GSK3B: variants seen among roughly 807,000 people sequenced by gnomAD.
GSK3B encodes the protein glycogen synthase kinase-3 beta.
In GSK3B, 15 loss-of-function variants were observed where a neutral mutation model predicts 56.4. The observed-to-expected ratio is 0.27, with a 90% confidence interval of 0.18 to 0.41. GSK3B has a LOEUF of 0.41. Among genes scored for constraint, GSK3B ranks in the 10% least tolerant of loss-of-function variants. The probability of loss-of-function intolerance (pLI) is 1.00; values close to 1 mark genes in which losing one functional copy is unlikely to be tolerated. For synonymous variants in GSK3B, 181 were observed against 188.9 expected (o/e 0.96, Z 0.34); for missense variants, 300 against 513.4 (o/e 0.58, Z 4.02).
chr3:119,961,461 C>G (rs976994309), intron 2 of GSK3B, among the ~76,000 whole-genome samples: 10 of 151,932 alleles, frequency 6.6e-5, no homozygotes, highest in African/African-American at 2.2e-4. Flanking sequence ...AACTCCGTCT[C>G]TACTAAAAAT....
intron 1 of GSK3B, among the ~76,000 whole-genome samples, chr3:120,080,418 C>T (rs2058409539): frequency 6.6e-6 from 1 of 152,016 alleles, no homozygotes; most frequent in African/African-American, 2.4e-5. Flanking sequence ...TATTATTTAG[C>T]AATAGAAACC....
intron 1 of GSK3B, among the ~76,000 whole-genome samples, chr3:120,040,604 CCAA>C (rs1400733893): frequency 1.3e-5 from 2 of 151,830 alleles, no homozygotes; most frequent in East Asian, 3.9e-4. Flanking sequence ...TAACTAGGAC[CCAA>C]CATGGGAAAT....
chr3:120,082,758 A>G (rs895902797), intron 1 of GSK3B, among the ~76,000 whole-genome samples: 1 of 152,086 alleles, frequency 6.6e-6, no homozygotes, highest in Non-Finnish European at 1.5e-5. Context: ...CTACCCAAAA[A>G]AAGAATGTAA....
intron 9 of GSK3B, among the ~76,000 whole-genome samples, chr3:119,859,643 T>G (rs911254062): frequency 5.3e-5 from 8 of 152,154 alleles, no homozygotes; most frequent in Admixed American, 5.2e-4. Context: ...TTCTAACCCT[T>G]TCCTTATTTT....
At chr3:120,066,550 G>C (rs2058279984) in intron 1 of GSK3B, among the ~76,000 whole-genome samples, 1 of 152,100 alleles carries the variant, frequency 6.6e-6, no homozygotes, top group Non-Finnish European at 1.5e-5. Flanking sequence ...AAAGAATCAA[G>C]ACTTACCCTG....
intron 9 of GSK3B, among the ~76,000 whole-genome samples, chr3:119,861,234 G>A (rs2056096823): frequency 6.6e-6 from 1 of 152,208 alleles, no homozygotes; most frequent in East Asian, 1.9e-4. Context: ...ATCAAGGCCA[G>A]GCATGGTGGC....
chr3:120,087,431 C>A (rs933886303), intron 1 of GSK3B, among the ~76,000 whole-genome samples: 2 of 151,834 alleles, frequency 1.3e-5, no homozygotes, highest in Non-Finnish European at 2.9e-5. Context: ...ACTTGGGAGG[C>A]TGAGGCAGGA....
chr3:119,994,012 C>T (rs1398355009), intron 2 of GSK3B, among the ~76,000 whole-genome samples: 1 of 152,088 alleles, frequency 6.6e-6, no homozygotes, highest in Non-Finnish European at 1.5e-5. Context: ...CAGGCACCCG[C>T]CACCATGCCC....
chr3:119,869,045 T>C (rs532891202), intron 8 of GSK3B, among the ~76,000 whole-genome samples: 58 of 151,744 alleles, frequency 3.8e-4, no homozygotes, highest in Non-Finnish European at 4.6e-4. Context: ...TTTTAAAATA[T>C]TCTCCCTATC....
intron 1 of GSK3B, among the ~76,000 whole-genome samples, chr3:120,086,661 G>C (rs2058465523): frequency 6.6e-6 from 1 of 152,118 alleles, no homozygotes; most frequent in African/African-American, 2.4e-5. Flanking sequence ...CAGGCATGTT[G>C]GCGCATGCCT....
intron 2 of GSK3B, among the ~76,000 whole-genome samples, chr3:119,984,855 C>G (rs892030715): frequency 1.3e-5 from 2 of 152,174 alleles, no homozygotes; most frequent in African/African-American, 2.4e-5. Context: ...CAACATCATC[C>G]TGATACCAAA....
At chr3:119,918,476 A>AAAAACAAAAAC (rs1332410975) in intron 4 of GSK3B, among the ~76,000 whole-genome samples, 2 of 152,074 alleles carry the variant, frequency 1.3e-5, no homozygotes, top group Non-Finnish European at 2.9e-5. Flanking sequence ...TCTCTCTCAA[A>AAAAACAAAAAC]AAAACAAAAA....
chr3:120,021,230 G>C (rs1005166622), intron 1 of GSK3B, among the ~76,000 whole-genome samples: 1 of 152,090 alleles, frequency 6.6e-6, no homozygotes, highest in Non-Finnish European at 1.5e-5. Context: ...GATTCAGCGG[G>C]TGCGGTGGCT....
At chr3:120,092,650 G>C (rs183062812) in intron 1 of GSK3B, among the ~76,000 whole-genome samples, 13 of 152,126 alleles carry the variant, frequency 8.5e-5, no homozygotes, top group Non-Finnish European at 1.8e-4. Context: ...AAAACAGGAA[G>C]GTTAAGAGAT....
intron 10 of GSK3B, among the ~76,000 whole-genome samples, chr3:119,841,192 A>G (rs1035655668): frequency 6.6e-6 from 1 of 152,234 alleles, no homozygotes; most frequent in African/African-American, 2.4e-5. Context: ...CTATAGCTGT[A>G]AAAATATACA....
chr3:119,929,996 ACT>A (rs2056928701), intron 3 of GSK3B, among the ~76,000 whole-genome samples: 1 of 150,386 alleles, frequency 6.6e-6, no homozygotes, highest in African/African-American at 2.4e-5. Context: ...TGGGAGGATC[ACT>A]TGAGCCCGAA....
chr3:120,011,678 G>A (rs908956709), intron 1 of GSK3B, among the ~76,000 whole-genome samples: 1 of 152,164 alleles, frequency 6.6e-6, no homozygotes, highest in South Asian at 2.1e-4. Flanking sequence ...GGGCAATATG[G>A]GGGATGACTT....
At chr3:119,959,770 GCCTC>G (rs957036232) in intron 2 of GSK3B, among the ~76,000 whole-genome samples, 3 of 151,868 alleles carry the variant, frequency 2.0e-5, no homozygotes, top group Non-Finnish European at 4.4e-5. Context: ...TCCAACCTCA[GCCTC>G]CCTAAGTGCT....
intron 2 of GSK3B, among the ~76,000 whole-genome samples, chr3:119,955,883 C>A (rs748412710): frequency 6.6e-6 from 1 of 152,100 alleles, no homozygotes; most frequent in African/African-American, 2.4e-5. Context: ...GAACTCCTGA[C>A]CTCTGGTGAT....
Sources: gnomAD v4.1 joint callset for allele counts (sites outside exome capture counted in the v4.1 genomes callset) on GRCh38, gnomAD v4.1.1 for gene constraint, MANE v1.5 for transcripts, NCBI Gene and HGNC (gene_info 2026-07-23, HGNC 2026-07-21) for gene names.